ADAMTS6: variants seen among roughly 807,000 people sequenced by gnomAD.
ADAMTS6 encodes A disintegrin and metalloproteinase with thrombospondin motifs 6.
ADAMTS6 carries 23 observed loss-of-function variants against 144.3 expected under a neutral mutation model. That is an observed-to-expected ratio of 0.16 (90% confidence interval 0.11 to 0.23). ADAMTS6 has a LOEUF of 0.23. Ranked by LOEUF, ADAMTS6 falls within the 10% of genes least tolerant of loss-of-function variation. The probability of loss-of-function intolerance (pLI) is 1.00; values close to 1 mark genes in which losing one functional copy is unlikely to be tolerated. For missense variants in ADAMTS6, 999 were observed against 1,379.6 expected (o/e 0.72, Z 4.37); for synonymous variants, 444 against 457.5 (o/e 0.97, Z 0.38).
intron 21 of ADAMTS6, among the ~76,000 whole-genome samples, chr5:65,194,008 G>C (rs979802723): frequency 2.0e-5 from 3 of 152,016 alleles, no homozygotes; most frequent in Non-Finnish European, 2.9e-5. Context: ...ATACATCAAA[G>C]TATTAACAGT....
At chr5:65,297,738 G>A (rs1369987118) in intron 10 of ADAMTS6, among the ~76,000 whole-genome samples, 1 of 152,100 alleles carries the variant, frequency 6.6e-6, no homozygotes, top group Admixed American at 6.6e-5. Context: ...TTTTTAAAGA[G>A]CTTTGTGTTT....
At chr5:65,368,806 G>A (rs944930280) in intron 7 of ADAMTS6, among the ~76,000 whole-genome samples, 4 of 152,182 alleles carry the variant, frequency 2.6e-5, no homozygotes, top group African/African-American at 7.2e-5. Context: ...TGTAATCTCA[G>A]CACTTTGGGA....
chr5:65,445,438 A>G (rs990282790), intron 7 of ADAMTS6, among the ~76,000 whole-genome samples: 1 of 152,154 alleles, frequency 6.6e-6, no homozygotes, highest in Non-Finnish European at 1.5e-5. Context: ...CTCGGGTTCA[A>G]GCGATTCTCC....
chr5:65,387,479 GAC>G (rs1322023148), intron 7 of ADAMTS6, among the ~76,000 whole-genome samples: 1 of 152,168 alleles, frequency 6.6e-6, no homozygotes, highest in Non-Finnish European at 1.5e-5. Context: ...TAAAATGTCT[GAC>G]AGGTTGACAG....
At position 65,280,703 on chromosome 5, in the gene ADAMTS6, GTTTTA is replaced by G. The variant is rs373879665; in HGVS notation, c.1513-7261_1513-7257del. ...GAACTAAATTTAGTTGAGTTTATTA[GTTTTA>G]TTTTATCTAGCATTCTTGTTTTCAT... On this transcript the variant is annotated intron_variant, in intron 11 of 24. Coordinates refer to ENST00000381055, the MANE Select transcript of ADAMTS6 (RefSeq NM_197941.4). 2.3e-4 allele frequency among the ~76,000 whole-genome samples: 35 copies of G among 152,224 alleles called. No homozygotes were observed. In the East Asian group the frequency reaches 2.9e-3, roughly 13 times the overall value.
At chr5:65,290,823 TC>T (rs1287687789) in intron 11 of ADAMTS6, among the ~76,000 whole-genome samples, 1 of 152,204 alleles carries the variant, frequency 6.6e-6, no homozygotes, top group Non-Finnish European at 1.5e-5. Context: ...ATAGCAATTT[TC>T]CTTGTTTCAC....
At chr5:65,412,944 T>C (rs1232153963) in intron 7 of ADAMTS6, among the ~76,000 whole-genome samples, 1 of 152,208 alleles carries the variant, frequency 6.6e-6, no homozygotes, top group Non-Finnish European at 1.5e-5. Context: ...CTCTTTGCTA[T>C]ACTATTTAAT....
At chr5:65,362,251 G>C (rs1410958516) in intron 7 of ADAMTS6, among the ~76,000 whole-genome samples, 1 of 152,150 alleles carries the variant, frequency 6.6e-6, no homozygotes, top group Non-Finnish European at 1.5e-5. Flanking sequence ...TTCTAGTCCT[G>C]GTGATACCCA....
chr5:65,309,658 A>G (rs527397236), intron 9 of ADAMTS6, among the ~76,000 whole-genome samples: 23 of 152,280 alleles, frequency 1.5e-4, no homozygotes, highest in African/African-American at 5.5e-4. Context: ...TTAAATATAC[A>G]TACCCGAATA....
chr5:65,303,756 T>G (rs1027686404), intron 9 of ADAMTS6, among the ~76,000 whole-genome samples: 1 of 151,978 alleles, frequency 6.6e-6, no homozygotes, highest in African/African-American at 2.4e-5. Context: ...TGATATAAAT[T>G]TTGACTATAG....
In ADAMTS6 at chr5:65,451,581, C is replaced by G; in HGVS notation, c.967G>C (p.Asp323His). The G allele has an allele frequency of 6.2e-7, 1 of 1,612,958 alleles. No individual in the cohort carries two copies. Among genetic ancestry groups the G allele is most frequent in the Non-Finnish European group, 8.5e-7 (1 of 1,179,510 alleles). The change falls in exon 7 of 25, where the codon GAT (aspartate) becomes CAT (histidine). Residue 323 changes from aspartate to histidine, a missense_variant. Coordinates refer to ENST00000381055, the MANE Select transcript of ADAMTS6 (RefSeq NM_197941.4). The stretch of plus-strand genomic sequence containing the variant: ...GATTTCTGCCATTTACAGAAGCTAT[C>G]GAGGGACTTGTCTGCATGGTGGTTT... ...EINHHADKSL[D>H]SFCKWQKSIL...
chr5:65,273,672 T>C (rs1762230955), intron 11 of ADAMTS6, among the ~76,000 whole-genome samples: 1 of 152,208 alleles, frequency 6.6e-6, no homozygotes, highest in African/African-American at 2.4e-5. Flanking sequence ...AAGTATATCT[T>C]AGCTTTTAAT....
At chr5:65,232,471 G>A (rs1758326760) in intron 15 of ADAMTS6, among the ~76,000 whole-genome samples, 1 of 151,732 alleles carries the variant, frequency 6.6e-6, no homozygotes, top group Non-Finnish European at 1.5e-5. Context: ...TATACTAGGA[G>A]AGAAAGAGAA....
At chr5:65,233,770 A>C (rs1480644961) in intron 15 of ADAMTS6, among the ~76,000 whole-genome samples, 2 of 152,112 alleles carry the variant, frequency 1.3e-5, no homozygotes, top group African/African-American at 4.8e-5. Context: ...ACAAAAATAG[A>C]AAAAGCAATC....
At chr5:65,402,218 C>CT (rs1753976098) in intron 7 of ADAMTS6, among the ~76,000 whole-genome samples, 1 of 152,102 alleles carries the variant, frequency 6.6e-6, no homozygotes, top group African/African-American at 2.4e-5. Flanking sequence ...TTACCACCTT[C>CT]TTGCATCTAC....
At chr5:65,241,631 G>A (rs1240727625) in intron 15 of ADAMTS6, among the ~76,000 whole-genome samples, 1 of 152,022 alleles carries the variant, frequency 6.6e-6, no homozygotes, top group East Asian at 1.9e-4. Flanking sequence ...AAATTAAAGA[G>A]CAAAAATGTT....
At chr5:65,304,563 G>T (rs1037534991) in intron 9 of ADAMTS6, among the ~76,000 whole-genome samples, 2 of 151,986 alleles carry the variant, frequency 1.3e-5, no homozygotes, top group African/African-American at 2.4e-5. Flanking sequence ...CTCCCAAGTC[G>T]CTGGGACCAC....
At chr5:65,298,932 G>C (rs1743111545) in intron 10 of ADAMTS6, among the ~76,000 whole-genome samples, 1 of 151,992 alleles carries the variant, frequency 6.6e-6, no homozygotes, top group Non-Finnish European at 1.5e-5. Context: ...GTTACCCTAT[G>C]TAACTTGTTT....
chr5:65,371,027 A>G (rs1750838900), intron 7 of ADAMTS6, among the ~76,000 whole-genome samples: 1 of 152,102 alleles, frequency 6.6e-6, no homozygotes, highest in South Asian at 2.1e-4. Flanking sequence ...GACACCTCAC[A>G]TGGCCGGGTA....
Sources: allele counts gnomAD v4.1 joint callset (sites outside exome capture counted in the v4.1 genomes callset), GRCh38; gene constraint gnomAD v4.1.1; transcripts MANE v1.5; gene names NCBI Gene and HGNC (gene_info 2026-07-23, HGNC 2026-07-21).